SLC25A15: variants seen among roughly 807,000 people sequenced by gnomAD.
SLC25A15 encodes mitochondrial ornithine transporter 1.
A neutral mutation model predicts 32.3 loss-of-function variants in SLC25A15; 24 were observed. The observed-to-expected ratio is 0.74, with a 90% CI of 0.54 to 1.04. The LOEUF is 1.04. Ranked by LOEUF, SLC25A15 falls within the 50% of genes least tolerant of loss-of-function variation. The probability of loss-of-function intolerance (pLI) is 0.00; values close to 1 mark genes in which losing one functional copy is unlikely to be tolerated. For missense variants in SLC25A15, 317 were observed against 374.5 expected, an observed-to-expected ratio of 0.85 and a Z score of 1.27; for synonymous variants, 132 against 142.1, an observed-to-expected ratio of 0.93 and a Z score of 0.51.
At chr13:40,790,008 G>A (rs1881423332) in intron 1 of SLC25A15, among the ~76,000 whole-genome samples, 1 of 152,258 alleles carries the variant, frequency 6.6e-6, no homozygotes, top group Non-Finnish European at 1.5e-5. Flanking sequence ...CGGCTGGGCA[G>A]GGGCGGTGAA....
Position 40,809,803 on chromosome 13 carries a change from A to ACAT in SLC25A15, c.*138_*140dup. 1 of 824,728 alleles carries ACAT rather than the reference A, an allele frequency of 1.2e-6. No individual in the cohort carries two copies. Among genetic ancestry groups the ACAT allele is most frequent in the South Asian group, 1.4e-5 (1 of 68,988 alleles). 51.1% of individuals were successfully genotyped at this position (824,728 alleles called of 1,614,324 possible). A position where few individuals can be genotyped will look rare whatever the true frequency, so the allele number is the denominator to read the frequency against. ...TGCTTTTTGTCTTCCCTTCTACCCT[A>ACAT]CATCTTAAACTTTATGGAAGAACCT... On this transcript the variant is annotated 3_prime_UTR_variant, in exon 7 of 7. Transcript: ENST00000338625.
intron 5 of SLC25A15, 125 bp from the exon 6 acceptor site, chr13:40,808,313 T>C (rs984026496): frequency 3.0e-5 from 26 of 863,048 alleles, no homozygotes; most frequent in Admixed American, 8.9e-5. Context: ...CCTCAAAGAA[T>C]TGTATTCTGT....
intron 3 of SLC25A15, chr13:40,802,371 A>G (rs1327234345): frequency 6.6e-6 from 1 of 152,218 alleles, no homozygotes; most frequent in African/African-American, 2.4e-5. Flanking sequence ...ATCAAAAGGA[A>G]GTCCTTACTG....
In SLC25A15 at chr13:40,808,620, G is replaced by T. The variant is rs1455724196; in HGVS notation, c.781+24G>T. 3 of 1,593,394 alleles carry T rather than the reference G, an allele frequency of 1.9e-6. No homozygotes were observed. The Admixed American group carries it at 5.0e-5, about 27-fold the overall frequency. On this transcript the variant is annotated intron_variant, in intron 6 of 6. Coordinates refer to ENST00000338625, the MANE Select transcript of SLC25A15 (RefSeq NM_014252.4). The stretch of plus-strand genomic sequence containing the variant: ...AGGTGAGTAAATACCTGTTTTTCAA[G>T]CATCTATATACATCTTAAAATCTGA...
chr13:40,807,570 G>C, intron 5 of SLC25A15, 107 bp downstream of exon 5: 1 of 1,249,518 alleles, frequency 8.0e-7, no homozygotes, highest in Non-Finnish European at 1.2e-6. Flanking sequence ...CACATTGGTG[G>C]CTCCATCTGG....
chr13:40,810,277 G>T lies in SLC25A15; in HGVS notation c.*610G>T, dbSNP rs7320743. Among the ~76,000 whole-genome samples, 10,369 of 152,184 alleles carry T rather than the reference G, an allele frequency of 0.068. 924 individuals carry two copies. Among genetic ancestry groups the T allele is most frequent in the African/African-American group, 0.2 (8,281 of 41,464 alleles). ...GGGTTCAAGCGATTCTCTCACCTCA[G>T]CCTCCTGAGTAGCTGGGATTACAGG... On this transcript the variant is annotated 3_prime_UTR_variant, in exon 7 of 7. Coordinates refer to ENST00000338625, the MANE Select transcript of SLC25A15 (RefSeq NM_014252.4).
At position 40,810,895 on chromosome 13, in the gene SLC25A15, C is replaced by G; in HGVS notation, c.*1228C>G. The G allele has an allele frequency of 1.9e-6, 1 of 533,740 alleles. No individual in the cohort carries two copies. The highest frequency in any genetic ancestry group is 3.8e-6 in the Non-Finnish European group (1 of 259,880). 33.1% of individuals were successfully genotyped at this position (533,740 alleles called of 1,614,324 possible). ...GGCCATCAATCCACTTTGGGCCACT[C>G]ACTGTCTGCTCTGCCTCCACCAATC... On this transcript the variant is annotated 3_prime_UTR_variant, in exon 7 of 7. Transcript: ENST00000338625.
At chr13:40,797,126 C>T (rs906529302) in intron 2 of SLC25A15, among the ~76,000 whole-genome samples, 1 of 151,998 alleles carries the variant, frequency 6.6e-6, no homozygotes, top group Non-Finnish European at 1.5e-5. Context: ...ACAGTGAGCG[C>T]CGTGACCATA....
intron 2 of SLC25A15, chr13:40,798,816 G>A (rs573826314): frequency 5.4e-4 from 526 of 982,880 alleles, no homozygotes; most frequent in Non-Finnish European, 6.1e-4. Context: ...TGCCGCTGTT[G>A]AACACATGTC....
Position 40,799,283 on chromosome 13 carries a change from A to T in SLC25A15, c.282A>T (p.Lys94Asn), listed in dbSNP as rs761843636. 4 of 1,614,198 alleles carry T rather than the reference A, an allele frequency of 2.5e-6. No homozygotes were observed. Among genetic ancestry groups the T allele is most frequent in the Non-Finnish European group, 3.4e-6 (4 of 1,180,038 alleles). The change falls in exon 3 of 7, where the codon AAA (lysine) becomes AAT (asparagine). Residue 94 changes from lysine to asparagine, a missense_variant. Lys to Asn is a moderately conservative substitution (Grantham distance 94). Transcript: ENST00000338625. ...CYGFCQQVVR[K>N]VAGLDKQAKL... ...GCTTCTGCCAGCAGGTGGTGCGGAAAGTGGCTGGATTGGACAAGCAGGCAA... is the reference window on the plus strand; with the variant it reads ...GCTTCTGCCAGCAGGTGGTGCGGAATGTGGCTGGATTGGACAAGCAGGCAA...
intron 2 of SLC25A15, among the ~76,000 whole-genome samples, chr13:40,795,852 G>T (rs1044277118): frequency 3.3e-5 from 5 of 152,196 alleles, no homozygotes; most frequent in Non-Finnish European, 7.3e-5. Flanking sequence ...TGGATATGTA[G>T]AAAAAGGCCC....
chr13:40,790,111 G>A (rs1881427346), intron 1 of SLC25A15, among the ~76,000 whole-genome samples: 1 of 152,182 alleles, frequency 6.6e-6, no homozygotes. Flanking sequence ...GTCCTTGGCG[G>A]CGAAACTGAT....
intron 1 of SLC25A15, among the ~76,000 whole-genome samples, chr13:40,792,313 CTG>C (rs931175873): frequency 1.8e-4 from 28 of 152,200 alleles, no homozygotes; most frequent in African/African-American, 6.0e-4. Flanking sequence ...AAGTGTGAGT[CTG>C]TGGACTGGCA....
chr13:40,792,533 T>C (rs1252804816), intron 1 of SLC25A15, among the ~76,000 whole-genome samples: 2 of 152,262 alleles, frequency 1.3e-5, no homozygotes, highest in Non-Finnish European at 2.9e-5. Flanking sequence ...GAACACATGA[T>C]GCTTGTGCAC....
intron 5 of SLC25A15, among the ~76,000 whole-genome samples, chr13:40,808,113 C>A (rs1219881497): frequency 6.6e-6 from 1 of 152,206 alleles, no homozygotes; most frequent in Non-Finnish European, 1.5e-5. Flanking sequence ...GTCTTCTCCC[C>A]ACTGTAGGGG....
chr13:40,809,600 A>G lies in SLC25A15; in HGVS notation c.839A>G (p.Asn280Ser), dbSNP rs1337124723. 3.1e-6 allele frequency: 5 copies of G among 1,612,348 alleles called. No homozygotes were observed. Among genetic ancestry groups the G allele is most frequent in the East Asian group, 4.5e-5 (2 of 44,866 alleles). The change falls in exon 7 of 7, where the codon AAT becomes AGT. Residue 280 changes from asparagine (N) to serine (S), a missense_variant. Asn to Ser is a conservative substitution (Grantham distance 46). Transcript: ENST00000338625. ...KPTMIRAFPA[N>S]GALFLAYEYS... ...ACTATGATTCGAGCATTCCCTGCCA[A>G]TGGAGCACTCTTTTTGGCCTACGAA... is the stretch of plus-strand genomic sequence containing the variant.
At chr13:40,801,313 C>T (rs144025459) in intron 3 of SLC25A15, among the ~76,000 whole-genome samples, 59 of 151,362 alleles carry the variant, frequency 3.9e-4, no homozygotes, top group Middle Eastern at 3.4e-3. Context: ...AGCTTGGGCC[C>T]GTTTTTTTTT....
Position 40,805,098 on chromosome 13 carries a change from G to C in SLC25A15, c.315-20G>C, listed in dbSNP as rs1882113914. 1.2e-6 allele frequency: 2 copies of C among 1,613,752 alleles called. No individual in the cohort carries two copies. Among genetic ancestry groups the C allele is most frequent in the South Asian group, 2.2e-5 (2 of 91,080 alleles). ...GGAATGAAGAAACTGAGGGGTAACT[G>C]TCTGCTTGTGTGCTTTCAGTGATCT... On this transcript the variant is annotated intron_variant, in intron 3 of 6. Transcript: ENST00000338625.
Position 40,809,762 on chromosome 13 carries a change from G to T in SLC25A15, c.*95G>T, listed in dbSNP as rs1223969812. On this transcript the variant is annotated 3_prime_UTR_variant, in exon 7 of 7. Coordinates refer to ENST00000338625, the MANE Select transcript of SLC25A15 (RefSeq NM_014252.4). ...TACAAGACCAGTGTGAAGTTATTCTGATTTCTTGGGAATTTTGCTTTTTGT... is the reference window on the plus strand; with the variant it reads ...TACAAGACCAGTGTGAAGTTATTCTTATTTCTTGGGAATTTTGCTTTTTGT... The T allele has an allele frequency of 5.6e-6, 8 of 1,425,330 alleles. No individual in the cohort carries two copies. Among genetic ancestry groups the T allele is most frequent in the East Asian group, 4.6e-5 (2 of 43,888 alleles). 88.3% of individuals were successfully genotyped at this position (1,425,330 alleles called of 1,614,324 possible). A position where few individuals can be genotyped will look rare whatever the true frequency, so the allele number is the denominator to read the frequency against.
Sources: allele counts gnomAD v4.1 joint callset (sites outside exome capture counted in the v4.1 genomes callset), GRCh38; gene constraint gnomAD v4.1.1; transcripts MANE v1.5; gene names NCBI Gene and HGNC (gene_info 2026-07-23, HGNC 2026-07-21).